The following NKAIN2 variants were observed in gnomAD, a reference collection of about 807,000 sequenced individuals.
NKAIN2 encodes sodium/potassium transporting ATPase interacting 2.
NKAIN2 carries 14 observed loss-of-function variants against 32.6 expected under a neutral mutation model. That is an observed-to-expected ratio of 0.43 (90% CI 0.28 to 0.67). The LOEUF is 0.67. Among genes scored for constraint, NKAIN2 ranks in the 30% least tolerant of loss-of-function variants. NKAIN2 has a pLI of 0.17. For synonymous variants in NKAIN2, 80 were observed against 87.2 expected, an observed-to-expected ratio of 0.92 and a Z score of 0.46; for missense variants, 198 against 258.3, an observed-to-expected ratio of 0.77 and a Z score of 1.60.
At chr6:124,423,956 T>G (rs987708643) in intron 3 of NKAIN2, among the ~76,000 whole-genome samples, 3 of 152,342 alleles carry the variant, frequency 2.0e-5, no homozygotes, top group Middle Eastern at 6.8e-3. Flanking sequence ...TAAGGCAGTA[T>G]GTAATACATA....
chr6:124,294,631 A>G (rs900468270), intron 2 of NKAIN2, among the ~76,000 whole-genome samples: 1 of 152,262 alleles, frequency 6.6e-6, no homozygotes. Context: ...TATATAAGCA[A>G]TACTCTGAAG....
At chr6:124,294,343 G>T (rs1795956280) in intron 2 of NKAIN2, among the ~76,000 whole-genome samples, 1 of 152,058 alleles carries the variant, frequency 6.6e-6, no homozygotes, top group South Asian at 2.1e-4. Flanking sequence ...CCCTCTCAAT[G>T]ACCTAATCAC....
chr6:123,834,767 A>G (rs62436066), intron 1 of NKAIN2, among the ~76,000 whole-genome samples: 5 of 152,144 alleles, frequency 3.3e-5, no homozygotes, highest in Non-Finnish European at 7.4e-5. Context: ...GAGAGATTTT[A>G]TGATGAATGG....
At chr6:124,333,799 C>T (rs1414070298) in intron 2 of NKAIN2, among the ~76,000 whole-genome samples, 1 of 152,074 alleles carries the variant, frequency 6.6e-6, no homozygotes, top group East Asian at 1.9e-4. Flanking sequence ...GGCTTTAATT[C>T]AGAAGGTAAG....
intron 1 of NKAIN2, among the ~76,000 whole-genome samples, chr6:124,197,550 A>C (rs1790374246): frequency 6.6e-6 from 1 of 152,194 alleles, no homozygotes; most frequent in Admixed American, 6.5e-5. Flanking sequence ...CCTAAGTAGA[A>C]GTGGAAATCC....
At chr6:124,789,292 A>G (rs1999853) in intron 4 of NKAIN2, among the ~76,000 whole-genome samples, 74,581 of 151,864 alleles carry the variant, frequency 0.49, 18,446 homozygotes, top group East Asian at 0.61. Context: ...ACAGTTTGTA[A>G]TTAGGACAAA....
At chr6:124,800,960 G>A (rs1007849120) in intron 5 of NKAIN2, among the ~76,000 whole-genome samples, 17 of 152,110 alleles carry the variant, frequency 1.1e-4, no homozygotes, top group African/African-American at 3.4e-4. Context: ...TGTAACTAAT[G>A]AAGCTGATGT....
At chr6:124,371,421 C>A (rs1416584327) in intron 3 of NKAIN2, among the ~76,000 whole-genome samples, 1 of 151,948 alleles carries the variant, frequency 6.6e-6, no homozygotes, top group African/African-American at 2.4e-5. Flanking sequence ...TGGTCAAGAG[C>A]AGTGGCTCAC....
chr6:123,859,510 A>G (rs1278361881), intron 1 of NKAIN2, among the ~76,000 whole-genome samples: 6 of 151,966 alleles, frequency 3.9e-5, no homozygotes, highest in African/African-American at 1.5e-4. Flanking sequence ...GAGGCAGCCA[A>G]TTCAGGACTT....
intron 3 of NKAIN2, among the ~76,000 whole-genome samples, chr6:124,515,563 T>C (rs888032073): frequency 1.3e-5 from 2 of 151,974 alleles, no homozygotes; most frequent in African/African-American, 2.4e-5. Flanking sequence ...AGGAAGGGCA[T>C]TAATCTATTC....
chr6:124,684,713 C>T (rs961513232), intron 4 of NKAIN2, among the ~76,000 whole-genome samples: 2 of 152,150 alleles, frequency 1.3e-5, no homozygotes, highest in Non-Finnish European at 2.9e-5. Flanking sequence ...ATCTCTGCAG[C>T]CTCATTCATT....
chr6:124,330,274 T>C (rs1348507924), intron 2 of NKAIN2, among the ~76,000 whole-genome samples: 2 of 152,170 alleles, frequency 1.3e-5, no homozygotes, highest in Non-Finnish European at 2.9e-5. Flanking sequence ...ATTTTAATGG[T>C]TGTTTGTTCA....
chr6:124,616,654 C>T (rs1290319600), intron 3 of NKAIN2, among the ~76,000 whole-genome samples: 1 of 150,814 alleles, frequency 6.6e-6, no homozygotes, highest in African/African-American at 2.4e-5. Flanking sequence ...TTAGTAGAGA[C>T]GGGGTTTCAC....
chr6:124,407,629 T>C (rs982177323), intron 3 of NKAIN2, among the ~76,000 whole-genome samples: 2 of 152,074 alleles, frequency 1.3e-5, no homozygotes, highest in African/African-American at 4.8e-5. Flanking sequence ...AAGTCTTTGC[T>C]ATTGTGACTA....
At chr6:124,457,331 A>T (rs1289302355) in intron 3 of NKAIN2, among the ~76,000 whole-genome samples, 1 of 151,996 alleles carries the variant, frequency 6.6e-6, no homozygotes, top group Non-Finnish European at 1.5e-5. Flanking sequence ...AGAAAATAGA[A>T]GTGAAATACA....
intron 3 of NKAIN2, among the ~76,000 whole-genome samples, chr6:124,649,590 A>T (rs1784293980): frequency 6.6e-6 from 1 of 152,176 alleles, no homozygotes; most frequent in African/African-American, 2.4e-5. Flanking sequence ...AGAAGCAGAG[A>T]CACTAACTTC....
At chr6:123,822,277 T>C (rs551215863) in intron 1 of NKAIN2, among the ~76,000 whole-genome samples, 2 of 152,316 alleles carry the variant, frequency 1.3e-5, no homozygotes, top group Admixed American at 1.3e-4. Context: ...TCTTTGCATT[T>C]CCTAACATTG....
At chr6:124,631,625 A>G (rs1003583034) in intron 3 of NKAIN2, among the ~76,000 whole-genome samples, 3 of 152,040 alleles carry the variant, frequency 2.0e-5, no homozygotes, top group African/African-American at 4.8e-5. Context: ...GAGCAGCTCT[A>G]ATGCTTGGTG....
rs760767324 is a variant in NKAIN2 at position 124,007,329 on chromosome 6, C to G, written c.54+203075C>G. On this transcript the variant is annotated intron_variant, in intron 1 of 6. Coordinates refer to ENST00000368417, the MANE Select transcript of NKAIN2 (RefSeq NM_001040214.3). ...AGTTAGATTCTTCTGATACATTTCT[C>G]TAGCCTCCAGTGGTCAGAGATAAGT... Among the ~76,000 whole-genome samples, 9 of 152,174 alleles carry G rather than the reference C, an allele frequency of 5.9e-5. No individual in the cohort carries two copies. In the South Asian group the frequency reaches 6.2e-4, roughly 11 times the overall value.
Sources: allele counts gnomAD v4.1 joint callset (sites outside exome capture counted in the v4.1 genomes callset), GRCh38; gene constraint gnomAD v4.1.1; transcripts MANE v1.5; gene names NCBI Gene and HGNC (gene_info 2026-07-23, HGNC 2026-07-21).